Variants in AP1AR observed in about 807,000 individuals in gnomAD.
AP1AR encodes the protein AP-1 complex-associated regulatory protein.
AP1AR carries 29 observed loss-of-function variants against 46.3 expected under a neutral mutation model. The ratio of observed to expected loss-of-function variants is 0.63; its 90% CI spans 0.47 to 0.85. The LOEUF (loss-of-function observed/expected upper bound fraction) is 0.85, where lower values mean the gene tolerates loss of function less well. Ranked by LOEUF, AP1AR falls within the 40% of genes least tolerant of loss-of-function variation. The pLI is 0.00. For synonymous variants in AP1AR, 122 were observed against 122.9 expected, an observed-to-expected ratio of 0.99 and a Z score of 0.05; for missense variants, 357 against 356.3, an observed-to-expected ratio of 1.00 and a Z score of -0.02.
At chr4:112,252,589 G>C (rs1362745825) in intron 1 of AP1AR, among the ~76,000 whole-genome samples, 1 of 152,210 alleles carries the variant, frequency 6.6e-6, no homozygotes, top group Non-Finnish European at 1.5e-5. Context: ...TTTAATAGGA[G>C]CAGGAAAGAA....
At chr4:112,237,203 T>C (rs985229754) in intron 1 of AP1AR, among the ~76,000 whole-genome samples, 1 of 151,220 alleles carries the variant, frequency 6.6e-6, no homozygotes, top group African/African-American at 2.4e-5. Flanking sequence ...GCCTCCCAGG[T>C]TCAAGCAATT....
At chr4:112,239,913 T>G (rs1187814241) in intron 1 of AP1AR, among the ~76,000 whole-genome samples, 1 of 152,244 alleles carries the variant, frequency 6.6e-6, no homozygotes, top group Admixed American at 6.5e-5. Context: ...AATAAATATT[T>G]GTCGACTGAG....
At chr4:112,260,613 T>G (rs1014540864) in intron 4 of AP1AR, among the ~76,000 whole-genome samples, 153 bp from the exon 5 acceptor site, 2 of 152,252 alleles carry the variant, frequency 1.3e-5, no homozygotes, top group Non-Finnish European at 2.9e-5. Flanking sequence ...ATGTATACTT[T>G]TTACTCTTAA....
At chr4:112,267,594 C>A (rs549485010) in intron 9 of AP1AR, among the ~76,000 whole-genome samples, 7 of 152,004 alleles carry the variant, frequency 4.6e-5, no homozygotes, top group African/African-American at 1.7e-4. Context: ...TTACCCAAAT[C>A]ACTTAGCCTT....
At chr4:112,255,103 G>T (rs1726127691) in intron 3 of AP1AR, among the ~76,000 whole-genome samples, 1 of 151,788 alleles carries the variant, frequency 6.6e-6, no homozygotes, top group Non-Finnish European at 1.5e-5. Context: ...GGGACTACAG[G>T]CGCCCGCCAC....
chr4:112,246,802 A>G (rs1725744275), intron 1 of AP1AR, among the ~76,000 whole-genome samples: 1 of 152,254 alleles, frequency 6.6e-6, no homozygotes, highest in Non-Finnish European at 1.5e-5. Context: ...ACTACCATCC[A>G]CTGGGACCAG....
chr4:112,245,192 A>G lies in AP1AR; in HGVS notation c.84-8016A>G, dbSNP rs1163345300. On this transcript the variant is annotated intron_variant, in intron 1 of 9. Transcript: ENST00000274000. ...ATTTTTAGTGAAAATCTTTTTATGA[A>G]TAATAGTTAATTAATAAAATAATGT... Among the ~76,000 whole-genome samples the G allele has an allele frequency of 3.9e-5, 6 of 152,298 alleles. No individual in the cohort carries two copies. The East Asian group carries it at 1.2e-3, about 29-fold the overall frequency.
intron 1 of AP1AR, among the ~76,000 whole-genome samples, chr4:112,235,102 A>G (rs1384057344): frequency 3.3e-5 from 5 of 152,218 alleles, no homozygotes; most frequent in African/African-American, 4.8e-5. Flanking sequence ...TTTGGTGATT[A>G]AAGCAGAGAG....
At chr4:112,248,134 G>GA (rs1725799967) in intron 1 of AP1AR, among the ~76,000 whole-genome samples, 1 of 152,098 alleles carries the variant, frequency 6.6e-6, no homozygotes, top group Non-Finnish European at 1.5e-5. Flanking sequence ...ATACCAAGAG[G>GA]AAAAATATCA....
Position 112,269,293 on chromosome 4 carries a change from A to G in AP1AR, c.*884A>G, listed in dbSNP as rs1240788779. On this transcript the variant is annotated 3_prime_UTR_variant, in exon 10 of 10. Transcript: ENST00000274000. The stretch of plus-strand genomic sequence containing the variant: ...GAAAATCTAAAAAGGTAATACGGGT[A>G]TTTCAAATAAAATCCTTTCTGGTAT... 1.3e-5 allele frequency: 2 copies of G among 152,282 alleles called. No individual in the cohort carries two copies. The highest frequency in any genetic ancestry group is 2.9e-5 in the Non-Finnish European group (2 of 67,820). The allele number at this position is 152,282 out of a possible 1,614,324, so 9.4% of individuals were successfully genotyped here.
intron 8 of AP1AR, among the ~76,000 whole-genome samples, chr4:112,266,225 A>G (rs1270233868): frequency 6.6e-6 from 1 of 151,816 alleles, no homozygotes; most frequent in Non-Finnish European, 1.5e-5. Flanking sequence ...GAAGCATAGT[A>G]TGGTAGTGGT....
At chr4:112,244,142 T>C (rs2110471861) in intron 1 of AP1AR, among the ~76,000 whole-genome samples, 1 of 152,320 alleles carries the variant, frequency 6.6e-6, no homozygotes, top group East Asian at 1.9e-4. Context: ...TTTTTAAAGA[T>C]GCCATCTAAA....
At chr4:112,261,927 C>G (rs746042978) in intron 5 of AP1AR, among the ~76,000 whole-genome samples, 1 of 151,004 alleles carries the variant, frequency 6.6e-6, no homozygotes, top group Non-Finnish European at 1.5e-5. Flanking sequence ...CGAAGGGGAG[C>G]CACTAGACTC....
intron 1 of AP1AR, among the ~76,000 whole-genome samples, chr4:112,243,851 A>G (rs1412787787): frequency 6.6e-6 from 1 of 152,172 alleles, no homozygotes; most frequent in African/African-American, 2.4e-5. Flanking sequence ...TACCTCTTCA[A>G]ATTTACTAGA....
intron 2 of AP1AR, among the ~76,000 whole-genome samples, chr4:112,253,544 C>T (rs10026870): frequency 0.3 from 44,843 of 151,980 alleles, 6,794 homozygotes; most frequent in East Asian, 0.39. Context: ...TAGGGTATAA[C>T]GAGAGGTGGT....
chr4:112,246,467 C>A (rs921919993), intron 1 of AP1AR, among the ~76,000 whole-genome samples: 16 of 152,208 alleles, frequency 1.1e-4, no homozygotes, highest in African/African-American at 3.6e-4. Flanking sequence ...CATCACACCA[C>A]TGCACTCCAG....
chr4:112,249,390 T>C (rs1046457614), intron 1 of AP1AR, among the ~76,000 whole-genome samples: 4 of 150,424 alleles, frequency 2.7e-5, no homozygotes, highest in African/African-American at 9.8e-5. Flanking sequence ...CTTGGTGCAG[T>C]GGCTCACGCC....
intron 5 of AP1AR, 53 bp from the exon 6 acceptor site, chr4:112,262,935 C>A: frequency 1.7e-6 from 2 of 1,158,166 alleles, no homozygotes; most frequent in Non-Finnish European, 1.3e-6. Flanking sequence ...ATTTTTAGAG[C>A]AGTTAGACAG....
At position 112,267,902 on chromosome 4, in the gene AP1AR, G is replaced by A. The variant is rs373482944; in HGVS notation, c.644-242G>A. ...GAGTCTTCAGGAATTTCATCTTATC[G>A]GATAATCGATGCATCAAAACTGCCC... On this transcript the variant is annotated intron_variant, in intron 9 of 9. Transcript: ENST00000274000. 6.5e-4 allele frequency among the ~76,000 whole-genome samples: 99 copies of A among 151,840 alleles called. 1 individual carries two copies. In the South Asian group the frequency reaches 0.017, roughly 26 times the overall value.
Sources: gnomAD v4.1 joint callset for allele counts (sites outside exome capture counted in the v4.1 genomes callset) on GRCh38, gnomAD v4.1.1 for gene constraint, MANE v1.5 for transcripts, NCBI Gene and HGNC (gene_info 2026-07-23, HGNC 2026-07-21) for gene names.